Variants in SGIP1 observed in about 807,000 individuals in gnomAD.
The protein encoded by SGIP1 is SH3GL interacting endocytic adaptor 1, also known as SH3-containing GRB2-like protein 3-interacting protein 1.
A neutral mutation model predicts 107.5 loss-of-function variants in SGIP1; 38 were observed. The observed-to-expected ratio is 0.35, with a 90% CI of 0.27 to 0.46. The LOEUF is 0.46. Ranked by LOEUF, SGIP1 falls within the 20% of genes least tolerant of loss-of-function variation. SGIP1 has a pLI of 1.00. For missense variants in SGIP1, 929 were observed against 1,019.5 expected, an observed-to-expected ratio of 0.91 and a Z score of 1.21; for synonymous variants, 365 against 366.1, an observed-to-expected ratio of 1.00 and a Z score of 0.03.
chr1:66,668,429 T>G (rs1292643160), intron 9 of SGIP1, among the ~76,000 whole-genome samples: 1 of 152,138 alleles, frequency 6.6e-6, no homozygotes, highest in Non-Finnish European at 1.5e-5. Flanking sequence ...GACCTCATGA[T>G]CCACCTGCCT....
At chr1:66,566,850 C>T (rs2059716264) in intron 1 of SGIP1, among the ~76,000 whole-genome samples, 1 of 151,888 alleles carries the variant, frequency 6.6e-6, no homozygotes, top group South Asian at 2.1e-4. Context: ...TACTAATGCT[C>T]TCCCTCCCCT....
intron 1 of SGIP1, among the ~76,000 whole-genome samples, chr1:66,622,043 G>T (rs949061053): frequency 1.3e-5 from 2 of 152,200 alleles, no homozygotes; most frequent in African/African-American, 4.8e-5. Flanking sequence ...ATGAGATTGT[G>T]CTGGGCCTCA....
intron 18 of SGIP1, among the ~76,000 whole-genome samples, chr1:66,706,564 A>G (rs1218191937): frequency 6.6e-6 from 1 of 151,204 alleles, no homozygotes; most frequent in South Asian, 2.1e-4. Context: ...AAGAAAAAAG[A>G]AAAAGGAAAA....
chr1:66,652,486 A>G lies in SGIP1; in HGVS notation c.460-8027A>G, dbSNP rs1457105215. Among the ~76,000 whole-genome samples the G allele has an allele frequency of 3.3e-5, 5 of 152,136 alleles. No individual in the cohort carries two copies. In the East Asian group the frequency reaches 7.7e-4, roughly 23 times the overall value. ...CAGTGAAGTAAAGAATCTGACATTG[A>G]GTCATGAAGGAACAATTAGTTTAAT... On this transcript the variant is annotated intron_variant, in intron 7 of 24. Transcript: ENST00000371037.
chr1:66,542,550 A>C (rs2055237841), intron 1 of SGIP1, among the ~76,000 whole-genome samples: 1 of 152,192 alleles, frequency 6.6e-6, no homozygotes, highest in Non-Finnish European at 1.5e-5. Flanking sequence ...GACTAAGAGC[A>C]GGTAGTGTAG....
intron 1 of SGIP1, among the ~76,000 whole-genome samples, chr1:66,577,133 T>A (rs1441815350): frequency 1.3e-5 from 2 of 152,222 alleles, no homozygotes; most frequent in Admixed American, 1.3e-4. Flanking sequence ...TGCAGGTTGC[T>A]ACTGAGACCA....
At chr1:66,575,932 C>T (rs775726100) in intron 1 of SGIP1, among the ~76,000 whole-genome samples, 16 of 152,164 alleles carry the variant, frequency 1.1e-4, no homozygotes, top group East Asian at 1.9e-4. Flanking sequence ...GTAGCAGTTT[C>T]GTCAGTACGC....
At chr1:66,585,734 C>CCCA (rs2062516630) in intron 1 of SGIP1, among the ~76,000 whole-genome samples, 2 of 152,038 alleles carry the variant, frequency 1.3e-5, no homozygotes, top group South Asian at 4.1e-4. Context: ...AGGTGATCCA[C>CCCA]CCACCTTGGC....
intron 1 of SGIP1, among the ~76,000 whole-genome samples, chr1:66,589,205 T>C (rs1241705936): frequency 2.5e-5 from 2 of 78,976 alleles, no homozygotes; most frequent in Non-Finnish European, 5.0e-5. Flanking sequence ...TATATATATA[T>C]ATATATATAT....
intron 1 of SGIP1, among the ~76,000 whole-genome samples, chr1:66,537,778 A>C (rs1458045502): frequency 6.6e-6 from 1 of 152,120 alleles, no homozygotes; most frequent in Non-Finnish European, 1.5e-5. Flanking sequence ...TATATTGTAT[A>C]TACGGTGCTT....
intron 8 of SGIP1, 85 bp from the exon 9 acceptor site, chr1:66,667,445 A>G: frequency 1.6e-6 from 2 of 1,279,808 alleles, no homozygotes; most frequent in Admixed American, 1.7e-5. Context: ...AGCTGCTTAT[A>G]AAGTCTTCTG....
chr1:66,564,921 G>A (rs749859884), intron 1 of SGIP1, among the ~76,000 whole-genome samples: 4 of 151,910 alleles, frequency 2.6e-5, no homozygotes, highest in South Asian at 2.1e-4. Context: ...TGTAACTAGC[G>A]TAATAGTAAC....
chr1:66,626,125 TTTTCTTTC>T, intron 2 of SGIP1: 1 of 288,920 alleles, frequency 3.5e-6, no homozygotes, highest in Non-Finnish European at 6.1e-6. Context: ...TTTATCACAT[TTTTCTTTC>T]TTTCTTTTTT....
At chr1:66,694,952 T>C (rs112410738) in intron 17 of SGIP1, 47 of 229,540 alleles carry the variant, frequency 2.0e-4, no homozygotes, top group Middle Eastern at 1.4e-3. Context: ...ACATCTTCCC[T>C]GAAATTTATA....
At position 66,736,480 on chromosome 1, in the gene SGIP1, C is replaced by A. The variant is rs1476825093; in HGVS notation, c.2031+2600C>A. Among the ~76,000 whole-genome samples the A allele has an allele frequency of 4.8e-3, 253 of 52,684 alleles. 76 individuals are homozygous for A. Among genetic ancestry groups the A allele is most frequent in the African/African-American group, 0.018 (251 of 14,066 alleles). 34.6% of individuals were successfully genotyped at this position (52,684 alleles called of 152,430 possible). A position where few individuals can be genotyped will look rare whatever the true frequency, so the allele number is the denominator to read the frequency against. ...TATTATATGTGAATATAATATATTG[C>A]GTATTATATGTGAATATAATATATT... On this transcript the variant is annotated intron_variant, in intron 21 of 24. Coordinates refer to ENST00000371037, the MANE Select transcript of SGIP1 (RefSeq NM_032291.4).
chr1:66,576,106 T>A (rs372213464), intron 1 of SGIP1, among the ~76,000 whole-genome samples: 59 of 152,236 alleles, frequency 3.9e-4, no homozygotes, highest in African/African-American at 1.4e-3. Context: ...AAGATGCAGA[T>A]GGGACTTGGG....
At chr1:66,667,479 C>T in intron 8 of SGIP1, 51 bp from the exon 9 acceptor site, 2 of 1,572,824 alleles carry the variant, frequency 1.3e-6, no homozygotes, top group Non-Finnish European at 1.7e-6. Flanking sequence ...TTGACTGATC[C>T]ATCATTCTCT....
intron 19 of SGIP1, among the ~76,000 whole-genome samples, chr1:66,728,069 C>T (rs954460697): frequency 6.6e-6 from 1 of 151,792 alleles, no homozygotes; most frequent in East Asian, 1.9e-4. Flanking sequence ...ATTGTTTTTC[C>T]TTCCACGCTA....
intron 17 of SGIP1, among the ~76,000 whole-genome samples, chr1:66,692,023 G>A (rs2089962930): frequency 6.6e-6 from 1 of 152,086 alleles, no homozygotes; most frequent in Non-Finnish European, 1.5e-5. Flanking sequence ...GCCGGGTGTG[G>A]TGGTGGGCGC....
Sources: gnomAD v4.1 joint callset for allele counts (sites outside exome capture counted in the v4.1 genomes callset) on GRCh38, gnomAD v4.1.1 for gene constraint, MANE v1.5 for transcripts, NCBI Gene and HGNC (gene_info 2026-07-23, HGNC 2026-07-21) for gene names.